Variants in LDHA observed in about 807,000 individuals in gnomAD.
The protein encoded by LDHA is lactate dehydrogenase A, also known as L-lactate dehydrogenase A chain.
A neutral mutation model predicts 36.3 loss-of-function variants in LDHA; 10 were observed. That is an observed-to-expected ratio of 0.28 (90% CI 0.17 to 0.47). The LOEUF is 0.47. LDHA is among the 20% of genes least tolerant of loss of function. The probability of loss-of-function intolerance (pLI) is 0.99; values close to 1 mark genes in which losing one functional copy is unlikely to be tolerated. For missense variants in LDHA, 267 were observed against 405.8 expected, an observed-to-expected ratio of 0.66 and a Z score of 2.94; for synonymous variants, 110 against 136.7, an observed-to-expected ratio of 0.80 and a Z score of 1.36.
chr11:18,407,223 C>A lies in LDHA; in HGVS notation c.941C>A (p.Ala314Asp), dbSNP rs1866719569. 3 of 1,613,454 alleles carry A rather than the reference C, an allele frequency of 1.9e-6. No individual in the cohort carries two copies. The highest frequency in any genetic ancestry group is 2.5e-6 in the Non-Finnish European group (3 of 1,179,834). Residue 314 changes from alanine (A) to aspartate (D), a missense_variant, in exon 8 of 8, where the codon GCC becomes GAC. Transcript: ENST00000422447. ...VKVTLTSEEE[A>D]RLKKSADTLW... ...GTGACTCTGACTTCTGAGGAAGAGG[C>A]CCGTTTGAAGAAGAGTGCAGATACA...
At chr11:18,396,638 T>G (rs563227227) in intron 1 of LDHA, 181 bp from the exon 2 acceptor site, 1 of 1,408,442 alleles carries the variant, frequency 7.1e-7, no homozygotes, top group Admixed American at 3.1e-5. Flanking sequence ...TCACAGACCC[T>G]GTCATTAGGC....
intron 4 of LDHA, chr11:18,402,400 CCTT>C: frequency 5.5e-6 from 1 of 181,564 alleles, no homozygotes; most frequent in South Asian, 1.1e-4. Context: ...CTCAGGTGAT[CCTT>C]CTTCCTCAGC....
chr11:18,397,588 G>T (rs1866345750), intron 2 of LDHA, among the ~76,000 whole-genome samples: 1 of 152,108 alleles, frequency 6.6e-6, no homozygotes. Context: ...GAGGTGGGTG[G>T]ATCACGAGGT....
chr11:18,401,532 C>T (rs1158283852), intron 4 of LDHA, among the ~76,000 whole-genome samples: 2 of 115,368 alleles, frequency 1.7e-5, no homozygotes, highest in African/African-American at 6.6e-5. Flanking sequence ...GGCTGGAGTA[C>T]AGTGGCTTGA....
chr11:18,398,252 T>G (rs76024205), intron 2 of LDHA, among the ~76,000 whole-genome samples: 5 of 152,186 alleles, frequency 3.3e-5, no homozygotes, highest in African/African-American at 1.2e-4. Flanking sequence ...GTTGCAACTA[T>G]AAGGATATTT....
At chr11:18,404,410 G>T (rs970101716) in intron 6 of LDHA, among the ~76,000 whole-genome samples, 3 of 151,624 alleles carry the variant, frequency 2.0e-5, no homozygotes, top group African/African-American at 7.3e-5. Context: ...CAGAGTAAGA[G>T]CCTGTCTCAA....
intron 4 of LDHA, among the ~76,000 whole-genome samples, chr11:18,401,314 T>TA (rs1866486805): frequency 6.6e-6 from 1 of 150,492 alleles, no homozygotes; most frequent in Non-Finnish European, 1.5e-5. Flanking sequence ...CACACATGGC[T>TA]AATTTTTTAT....
chr11:18,404,741 G>A (rs1192604490), intron 6 of LDHA, among the ~76,000 whole-genome samples: 1 of 149,004 alleles, frequency 6.7e-6, no homozygotes, highest in Non-Finnish European at 1.5e-5. Flanking sequence ...CCGGTAGTTG[G>A]AGCTTGCAGT....
chr11:18,396,771 T>C, intron 1 of LDHA, 48 bp from the exon 2 acceptor site: 2 of 1,511,420 alleles, frequency 1.3e-6, no homozygotes, highest in South Asian at 2.6e-5. Flanking sequence ...TCTTGGTTAA[T>C]AAACATTAAA....
chr11:18,404,881 ATTTG>A (rs1486766634), intron 6 of LDHA, among the ~76,000 whole-genome samples: 1 of 151,812 alleles, frequency 6.6e-6, no homozygotes, highest in Non-Finnish European at 1.5e-5. Flanking sequence ...TCTTGTTTGT[ATTTG>A]TTTAATTAAA....
chr11:18,406,972 C>A (rs1866706845), intron 7 of LDHA, 145 bp from the exon 8 acceptor site: 1 of 647,662 alleles, frequency 1.5e-6, no homozygotes, highest in Non-Finnish European at 2.6e-6. Flanking sequence ...TGCCACTGCA[C>A]TCCAGCCTGG....
At chr11:18,398,447 C>T (rs1332391998) in intron 2 of LDHA, among the ~76,000 whole-genome samples, 1 of 151,404 alleles carries the variant, frequency 6.6e-6, no homozygotes, top group Non-Finnish European at 1.5e-5. Context: ...GGCTGGAGTG[C>T]AGTGGCACGA....
In LDHA at chr11:18,407,696, T is replaced by G. The variant is rs1175454189; in HGVS notation, c.*415T>G. On this transcript the variant is annotated 3_prime_UTR_variant, in exon 8 of 8. Transcript: ENST00000422447. The stretch of plus-strand genomic sequence containing the variant: ...TCCAGTGTATAAATCCAATATCATG[T>G]CTTGTGCATAATTCTTCCAAAGGAT... The G allele has an allele frequency of 2.0e-6, 1 of 507,278 alleles. No individual in the cohort carries two copies. Among genetic ancestry groups the G allele is most frequent in the African/African-American group, 1.9e-5 (1 of 52,082 alleles). The allele number at this position is 507,278 out of a possible 1,614,324, so 31.4% of individuals were successfully genotyped here.
At chr11:18,396,489 T>C (rs1378558816) in intron 1 of LDHA, 1 of 833,580 alleles carries the variant, frequency 1.2e-6, no homozygotes, top group African/African-American at 1.8e-5. Context: ...GGAGCCGGAG[T>C]AGCTCAGAGT....
chr11:18,402,309 CT>C (rs950483205), intron 4 of LDHA, among the ~76,000 whole-genome samples: 63 of 151,048 alleles, frequency 4.2e-4, no homozygotes, highest in African/African-American at 1.3e-3. Context: ...TGTTACTATA[CT>C]TTTTTTTTGA....
chr11:18,400,418 TACC>T (rs1338244310), intron 3 of LDHA: 21 of 291,906 alleles, frequency 7.2e-5, no homozygotes, highest in East Asian at 1.8e-4. Flanking sequence ...CAAGTCCCCC[TACC>T]ACCACCACCA....
chr11:18,406,883 G>A (rs908187707), intron 7 of LDHA, among the ~76,000 whole-genome samples: 20 of 151,778 alleles, frequency 1.3e-4, no homozygotes, highest in African/African-American at 4.6e-4. Flanking sequence ...GTGTGGTGGC[G>A]CACGCCTGTA....
Position 18,407,225 on chromosome 11 carries a change from C to T in LDHA, c.943C>T (p.Arg315Cys), listed in dbSNP as rs200093825. The change falls in exon 8 of 8, where the codon CGT becomes TGT. Residue 315 changes from arginine (R) to cysteine (C), a missense_variant. By Grantham distance (180) the Arg-to-Cys change is radical (BLOSUM62 -3). Coordinates refer to ENST00000422447, the MANE Select transcript of LDHA (RefSeq NM_005566.4). ...GACTCTGACTTCTGAGGAAGAGGCC[C>T]GTTTGAAGAAGAGTGCAGATACACT... Reference protein sequence around the residue: ...KVTLTSEEEARLKKSADTLWG... With the variant: ...KVTLTSEEEACLKKSADTLWG... 20 of 1,613,324 alleles carry T rather than the reference C, an allele frequency of 1.2e-5. No homozygotes were observed. The highest frequency in any genetic ancestry group is 5.0e-5 in the Admixed American group (3 of 59,902).
chr11:18,405,348 G>A (rs1866648474), intron 6 of LDHA, 101 bp from the exon 7 acceptor site: 2 of 1,137,096 alleles, frequency 1.8e-6, no homozygotes, highest in Non-Finnish European at 2.6e-6. Flanking sequence ...GCAACATTGT[G>A]GCATTATTTA....
Sources: allele counts gnomAD v4.1 joint callset (sites outside exome capture counted in the v4.1 genomes callset), GRCh38; gene constraint gnomAD v4.1.1; transcripts MANE v1.5; gene names NCBI Gene and HGNC (gene_info 2026-07-23, HGNC 2026-07-21).